Variants in TRAF7 observed in about 807,000 individuals in gnomAD.
The protein encoded by TRAF7 is TNF receptor associated factor 7.
TRAF7 carries 45 observed loss-of-function variants against 89.3 expected under a neutral mutation model. The observed-to-expected ratio is 0.50, with a 90% CI of 0.40 to 0.65. TRAF7 has a LOEUF of 0.65. Ranked by LOEUF, TRAF7 falls within the 30% of genes least tolerant of loss-of-function variation. TRAF7 has a pLI of 0.00. For missense variants in TRAF7, 677 were observed against 918.1 expected (o/e 0.74, Z 3.39); for synonymous variants, 406 against 369.2 (o/e 1.10, Z -1.14).
intron 6 of TRAF7, 37 bp downstream of exon 6, chr16:2,171,393 G>A (rs1219686681): frequency 1.9e-6 from 3 of 1,541,894 alleles, no homozygotes; most frequent in Non-Finnish European, 1.8e-6. Flanking sequence ...CCTGCTGCCA[G>A]AGGCCCCCAC....
chr16:2,174,297 G>A lies in TRAF7; in HGVS notation c.1310G>A (p.Gly437Asp). The A allele has an allele frequency of 3.1e-6, 5 of 1,613,218 alleles. No individual in the cohort carries two copies. Among genetic ancestry groups the A allele is most frequent in the Admixed American group, 1.7e-5 (1 of 60,018 alleles). The change falls in exon 14 of 21, where the codon GGC becomes GAC. Residue 437 changes from glycine (G) to aspartate (D), a missense_variant. Transcript: ENST00000326181. ...TACAAGTGTCAGAAGACACTGGAGG[G>A]CCATGATGGCATCGTGCTGGCTCTC... ...TTYKCQKTLE[G>D]HDGIVLALCI...
chr16:2,172,807 C>T (rs927625603), intron 9 of TRAF7, among the ~76,000 whole-genome samples: 10 of 147,196 alleles, frequency 6.8e-5, no homozygotes, highest in East Asian at 6.1e-4. Flanking sequence ...CTCCCGCAGC[C>T]GGCCCAGCAT....
chr16:2,171,778 C>T (rs1410900643), intron 7 of TRAF7, among the ~76,000 whole-genome samples, 173 bp downstream of exon 7: 1 of 152,208 alleles, frequency 6.6e-6, no homozygotes, highest in Non-Finnish European at 1.5e-5. Context: ...CTCGGGACCT[C>T]CATGAGCAGA....
intron 3 of TRAF7, among the ~76,000 whole-genome samples, chr16:2,166,539 G>T (rs1212008270): frequency 1.3e-5 from 2 of 152,012 alleles, no homozygotes; most frequent in Non-Finnish European, 1.5e-5. Context: ...CAGGTAGCTG[G>T]GACCACAGGC....
At chr16:2,172,153 A>T in intron 7 of TRAF7, 38 bp from the exon 8 acceptor site, 4 of 1,611,174 alleles carry the variant, frequency 2.5e-6, no homozygotes, top group Non-Finnish European at 3.4e-6. Context: ...AGCGTGTGCC[A>T]GGCAGGCCGT....
chr16:2,162,411 T>C lies in TRAF7; in HGVS notation c.-38-1472T>C, dbSNP rs953196008. Among the ~76,000 whole-genome samples the C allele has an allele frequency of 2.0e-5, 3 of 152,052 alleles. No homozygotes were observed. The highest frequency in any genetic ancestry group is 4.4e-5 in the Non-Finnish European group (3 of 67,974). ...TGATGAGTGGCATCTTGAAGGCGCA[T>C]GCAGGGCGGGCATGGCCAAAGGGAC... On this transcript the variant is annotated intron_variant, in intron 1 of 20. Transcript: ENST00000326181. This position sits in a 1 kb window ranked among gnomAD's most constrained non-coding sequence, Gnocchi z 5.0.
rs2093126079 is a variant in TRAF7 at position 2,174,242 on chromosome 16, T to C, written c.1264-9T>C. 1 of 1,612,062 alleles carries C rather than the reference T, an allele frequency of 6.2e-7. No individual in the cohort carries two copies. The highest frequency in any genetic ancestry group is 2.2e-5 in the East Asian group (1 of 44,856). ...TTGCTGGGACCCACTGTGGCCCTGG[T>C]CTCTGCAGGTGTGGGACACATGTAC... is the stretch of plus-strand genomic sequence containing the variant. On this transcript the variant is annotated splice_polypyrimidine_tract_variant and intron_variant, in intron 13 of 20. Transcript: ENST00000326181.
Position 2,161,081 on chromosome 16 carries a change from C to T in TRAF7, c.-38-2802C>T, listed in dbSNP as rs1046342774. On this transcript the variant is annotated intron_variant, in intron 1 of 20. Transcript: ENST00000326181. This position sits in a 1 kb window ranked among gnomAD's most constrained non-coding sequence, Gnocchi z 5.2. ...CACAAACGTTCCCTGGCCTCCAGCC[C>T]CAGGGTCCCGCCCGCCTCCATGTCC... Among the ~76,000 whole-genome samples, 2 of 152,124 alleles carry T rather than the reference C, an allele frequency of 1.3e-5. No homozygotes were observed. Among genetic ancestry groups the T allele is most frequent in the Non-Finnish European group, 2.9e-5 (2 of 67,994 alleles).
chr16:2,155,963 G>GGGTC (rs1476768082), intron 1 of TRAF7, 105 bp downstream of exon 1: 2 of 147,994 alleles, frequency 1.4e-5, no homozygotes, highest in Non-Finnish European at 3.0e-5. Context: ...GCGAGGCGAG[G>GGGTC]GGTCGGGCCG....
intron 12 of TRAF7, 23 bp downstream of exon 12, chr16:2,173,859 T>TGGCGCCCCCCCCCCC: frequency 8.0e-7 from 1 of 1,246,248 alleles, no homozygotes; most frequent in Non-Finnish European, 1.1e-6. Flanking sequence ...CCGCCGTGGC[T>TGGCGCCCCCCCCCCC]CCCGCCCACC....
chr16:2,171,113 C>G, intron 5 of TRAF7, 151 bp from the exon 6 acceptor site: 10 of 657,292 alleles, frequency 1.5e-5, no homozygotes, highest in Non-Finnish European at 2.6e-5. Flanking sequence ...GGGCCCCGAT[C>G]AAGCCCCCCA....
At chr16:2,173,714 C>T in intron 11 of TRAF7, 74 bp from the exon 12 acceptor site, 3 of 1,595,466 alleles carry the variant, frequency 1.9e-6, no homozygotes, top group South Asian at 2.2e-5. Flanking sequence ...CCCAGGGCAG[C>T]AGGGGCAGAG....
intron 2 of TRAF7, among the ~76,000 whole-genome samples, chr16:2,164,262 GCGCGGCCTGGT>G (rs2093072230): frequency 6.6e-6 from 1 of 150,664 alleles, no homozygotes; most frequent in African/African-American, 2.4e-5. Flanking sequence ...GTGCTGCGTG[GCGCGGCCTGGT>G]CGCATGGTTA....
intron 12 of TRAF7, 21 bp downstream of exon 12, chr16:2,173,857 G>GCGGGGGC: frequency 1.2e-6 from 2 of 1,607,500 alleles, no homozygotes; most frequent in Non-Finnish European, 1.7e-6. Context: ...ACCCGCCGTG[G>GCGGGGGC]CTCCCGCCCA....
chr16:2,175,019 C>G, intron 14 of TRAF7, 92 bp from the exon 15 acceptor site: 2 of 1,526,058 alleles, frequency 1.3e-6, no homozygotes, highest in Middle Eastern at 1.7e-4. Context: ...CTGCTGGTTC[C>G]TGATGGCTGG....
At position 2,162,188 on chromosome 16, in the gene TRAF7, G is replaced by A. The variant is rs975979323; in HGVS notation, c.-38-1695G>A. 3.1e-4 allele frequency among the ~76,000 whole-genome samples: 47 copies of A among 152,378 alleles called. No individual in the cohort carries two copies. Among genetic ancestry groups the A allele is most frequent in the African/African-American group, 1.1e-3 (44 of 41,596 alleles). ...AGTCCTGAAGGCTGAGTGGCTCCAG[G>A]GTGGGTGGCCTTCCAGGTGGCATTG... On this transcript the variant is annotated intron_variant, in intron 1 of 20. Coordinates refer to ENST00000326181, the MANE Select transcript of TRAF7 (RefSeq NM_032271.3). The surrounding 1 kb of genome is among the most constrained non-coding windows in gnomAD (Gnocchi z 5.0).
rs1378147958 is a variant in TRAF7 at position 2,170,674 on chromosome 16, G to C, written c.292G>C (p.Glu98Gln). 1 of 1,609,696 alleles carries C rather than the reference G, an allele frequency of 6.2e-7. No individual in the cohort carries two copies. The highest frequency in any genetic ancestry group is 1.1e-5 in the South Asian group (1 of 90,090). The change falls in exon 5 of 21, where the codon GAG (glutamate) becomes CAG (glutamine). Residue 98 changes from glutamate (E) to glutamine (Q), a missense_variant. By Grantham distance (29) the Glu-to-Gln change is conservative (BLOSUM62 2). Coordinates refer to ENST00000326181, the MANE Select transcript of TRAF7 (RefSeq NM_032271.3). ...CATCTCTGTCCGCTCCCTGCACTCA[G>C]AGTCCAGCATGTCTCTGCGCTCCAC... Reference protein sequence around the residue: ...SAISVRSLHSESSMSLRSTFS... With the variant: ...SAISVRSLHSQSSMSLRSTFS...
chr16:2,172,716 G>A (rs748344626), intron 9 of TRAF7, 117 bp downstream of exon 9: 11 of 1,278,704 alleles, frequency 8.6e-6, no homozygotes, highest in Non-Finnish European at 1.2e-5. Context: ...GCCACACCGG[G>A]GTCTGTAATC....
At chr16:2,174,448 T>A in intron 14 of TRAF7, 115 bp downstream of exon 14, 1 of 955,946 alleles carries the variant, frequency 1.0e-6, no homozygotes, top group Non-Finnish European at 1.6e-6. Context: ...GTGCCCCACC[T>A]ATAGGGCACC....
Sources: allele counts gnomAD v4.1 joint callset (sites outside exome capture counted in the v4.1 genomes callset), GRCh38; gene constraint gnomAD v4.1.1; non-coding constraint Gnocchi (gnomAD v3.1); transcripts MANE v1.5; gene names NCBI Gene and HGNC (gene_info 2026-07-23, HGNC 2026-07-21).